Variants in LITAF observed in about 807,000 individuals in gnomAD.
LITAF encodes lipopolysaccharide-induced tumor necrosis factor-alpha factor.
A neutral mutation model predicts 14.5 loss-of-function variants in LITAF; 9 were observed. That is an observed-to-expected ratio of 0.62 (90% CI 0.37 to 1.08). LITAF has a LOEUF of 1.08. Among genes scored for constraint, LITAF ranks in the 50% least tolerant of loss-of-function variants. LITAF has a pLI of 0.01. For synonymous variants in LITAF, 98 were observed against 88.2 expected (o/e 1.11, Z -0.62); for missense variants, 206 against 213.4 (o/e 0.97, Z 0.22).
chr16:11,573,692 G>A (rs2064582070), intron 1 of LITAF, among the ~76,000 whole-genome samples: 1 of 143,110 alleles, frequency 7.0e-6, no homozygotes. Context: ...GGTGAGAGAA[G>A]AAGATATCCT....
chr16:11,608,294 C>T (rs558078634), intron 3 of LITAF, among the ~76,000 whole-genome samples: 16 of 152,200 alleles, frequency 1.1e-4, no homozygotes, highest in African/African-American at 3.1e-4. Context: ...GTGAGAAGAA[C>T]GGGGAGCAGT....
At chr16:11,639,051 TAG>T (rs1045832807), upstream of LITAF, among the ~76,000 whole-genome samples, 3 of 151,918 alleles carry the variant, frequency 2.0e-5, no homozygotes, top group Non-Finnish European at 4.4e-5. Context: ...AATGGTTAGG[TAG>T]AGAGAGGGAT....
chr16:11,618,810 C>G (rs1431702197), intron 3 of LITAF, among the ~76,000 whole-genome samples: 1 of 151,960 alleles, frequency 6.6e-6, no homozygotes, highest in Non-Finnish European at 1.5e-5. Flanking sequence ...TGGTGAAACC[C>G]TGTCTCTACT....
chr16:11,611,767 A>T (rs2064983529), intron 3 of LITAF, among the ~76,000 whole-genome samples: 1 of 150,396 alleles, frequency 6.6e-6, no homozygotes, highest in South Asian at 2.1e-4. Context: ...GGTTCAAGTG[A>T]TTCTCCTGCC....
Position 11,622,966 on chromosome 16 carries a change from AT to A in LITAF, c.85+10566del, listed in dbSNP as rs2065060556. 9.8e-4 allele frequency among the ~76,000 whole-genome samples: 144 copies of A among 147,206 alleles called. 1 individual carries two copies. Among genetic ancestry groups the A allele is most frequent in the African/African-American group, 3.4e-3 (135 of 40,282 alleles). ...ATAATGAATATATATATATATATAT[AT>A]ATATAATTTTTTTTTTGAAACAGAG... On this transcript the variant is annotated intron_variant, in intron 3 of 3. Coordinates refer to the LITAF transcript ENST00000574848.
upstream of LITAF, among the ~76,000 whole-genome samples, chr16:11,588,831 TCTCC>T (rs1005598139): frequency 4.0e-5 from 6 of 151,730 alleles, no homozygotes; most frequent in African/African-American, 1.2e-4. Context: ...CCTTTCTGTC[TCTCC>T]CTCCCTCCCA....
At chr16:11,573,764 C>T (rs1412787394) in intron 1 of LITAF, among the ~76,000 whole-genome samples, 8 of 131,712 alleles carry the variant, frequency 6.1e-5, no homozygotes, top group South Asian at 4.8e-4. Context: ...TGCAGTGGCG[C>T]GATCTCGACT....
At position 11,592,857 on chromosome 16, in the gene LITAF, G is replaced by A. The variant is rs144935582; in HGVS notation, c.-6+5531C>T. Among the ~76,000 whole-genome samples, 740 of 152,048 alleles carry A rather than the reference G, an allele frequency of 4.9e-3. 3 individuals are homozygous for A. The highest frequency in any genetic ancestry group is 0.017 in the African/African-American group (687 of 41,474). On this transcript the variant is annotated intron_variant, in intron 1 of 3. Transcript: ENST00000571627. ...TTGAGACCATCCTGGCCTATGTGGC[G>A]AAACCCCATCTCTGCTAAAAATACA...
At chr16:11,569,637 T>C (rs571882228) in intron 1 of LITAF, among the ~76,000 whole-genome samples, 3 of 152,254 alleles carry the variant, frequency 2.0e-5, no homozygotes, top group African/African-American at 7.2e-5. Flanking sequence ...GACTACGGCC[T>C]GGTCAACTGA....
At chr16:11,588,536 GAA>G (rs1221382597), upstream of LITAF, among the ~76,000 whole-genome samples, 4 of 107,960 alleles carry the variant, frequency 3.7e-5, no homozygotes, top group Non-Finnish European at 6.0e-5. Flanking sequence ...AAAAAAGAAA[GAA>G]AAAGAAGAAA....
chr16:11,560,112 C>T (rs1165484856), intron 1 of LITAF, among the ~76,000 whole-genome samples: 3 of 152,058 alleles, frequency 2.0e-5, no homozygotes, highest in African/African-American at 7.2e-5. Context: ...GCCTGGCCAA[C>T]ATGGTGAAAC....
intron 3 of LITAF, among the ~76,000 whole-genome samples, chr16:11,619,316 CA>C (rs920234532): frequency 6.9e-6 from 1 of 144,332 alleles, no homozygotes; most frequent in Non-Finnish European, 1.5e-5. Context: ...GTCTCAAAAA[CA>C]AAAAACAAAA....
intron 1 of LITAF, among the ~76,000 whole-genome samples, chr16:11,582,672 C>T (rs1251431215): frequency 1.3e-5 from 2 of 152,166 alleles, no homozygotes; most frequent in Non-Finnish European, 2.9e-5. Flanking sequence ...AGGGCACTCA[C>T]ATGCAAATTG....
chr16:11,616,257 T>C (rs2065019172), intron 3 of LITAF, among the ~76,000 whole-genome samples: 1 of 152,096 alleles, frequency 6.6e-6, no homozygotes, highest in Non-Finnish European at 1.5e-5. Flanking sequence ...GCAGATCCCT[T>C]GAAGCCAGGG....
intron 3 of LITAF, among the ~76,000 whole-genome samples, chr16:11,626,179 C>T (rs182047527): frequency 4.0e-5 from 6 of 151,542 alleles, no homozygotes; most frequent in East Asian, 1.9e-4. Context: ...AAAAACAAAA[C>T]GAACAAAAAA....
chr16:11,571,552 C>A (rs940788769), intron 1 of LITAF, among the ~76,000 whole-genome samples: 16 of 152,316 alleles, frequency 1.1e-4, no homozygotes, highest in Admixed American at 9.8e-4. Context: ...GGGCACTCTT[C>A]CCCCTCCCAC....
intron 1 of LITAF, chr16:11,575,640 C>G (rs762993159): frequency 2.6e-5 from 4 of 152,200 alleles, no homozygotes; most frequent in Non-Finnish European, 5.9e-5. Context: ...CCGAGAATAC[C>G]AAGAGAACCA....
rs1421883075 is a variant in LITAF at position 11,549,406 on chromosome 16, C to T, written c.*231G>A. 1 of 579,970 alleles carries T rather than the reference C, an allele frequency of 1.7e-6. No individual in the cohort carries two copies. The highest frequency in any genetic ancestry group is 3.3e-6 in the Non-Finnish European group (1 of 306,948). 35.9% of individuals were successfully genotyped at this position (579,970 alleles called of 1,614,324 possible). ...CTCAGGGAGGCAGGAAACCGTGGAA[C>T]TGACACTCAAGGGGAATGTCTTTGC... On this transcript the variant is annotated 3_prime_UTR_variant, in exon 4 of 4. Transcript: ENST00000622633. The surrounding 1 kb of genome is among the most constrained non-coding windows in gnomAD (Gnocchi z 4.6).
intron 1 of LITAF, among the ~76,000 whole-genome samples, chr16:11,559,224 C>T (rs918995635): frequency 6.6e-6 from 1 of 152,154 alleles, no homozygotes; most frequent in Non-Finnish European, 1.5e-5. Context: ...CCACTGCACT[C>T]TAGCCTGGGT....
Sources: allele counts gnomAD v4.1 joint callset (sites outside exome capture counted in the v4.1 genomes callset), GRCh38; gene constraint gnomAD v4.1.1; non-coding constraint Gnocchi (gnomAD v3.1); transcripts MANE v1.5; gene names NCBI Gene and HGNC (gene_info 2026-07-23, HGNC 2026-07-21).